Variants in NYAP2 observed in about 807,000 individuals in gnomAD.
The protein encoded by NYAP2 is neuronal tyrosine-phosphorylated phosphoinositide-3-kinase adapter 2.
NYAP2 carries 23 observed loss-of-function variants against 50.4 expected under a neutral mutation model. That is an observed-to-expected ratio of 0.46 (90% CI 0.33 to 0.65). The LOEUF (loss-of-function observed/expected upper bound fraction) is 0.65. Ranked by LOEUF, NYAP2 falls within the 30% of genes least tolerant of loss-of-function variation. NYAP2 has a pLI of 0.02. For missense variants in NYAP2, 885 were observed against 861.0 expected (o/e 1.03, Z -0.35); for synonymous variants, 394 against 365.2 (o/e 1.08, Z -0.90).
chr2:225,644,887 C>G (rs1693601189), intron 6 of NYAP2, among the ~76,000 whole-genome samples: 1 of 152,084 alleles, frequency 6.6e-6, no homozygotes, highest in Non-Finnish European at 1.5e-5. Context: ...ATGCCTCCAG[C>G]TTTGTTCTTT....
intron 6 of NYAP2, among the ~76,000 whole-genome samples, chr2:225,645,491 TTCTC>T (rs376306702): frequency 1.3e-5 from 2 of 151,776 alleles, no homozygotes; most frequent in Non-Finnish European, 2.9e-5. Flanking sequence ...TCCACTGCCT[TTCTC>T]TCTCTCTCTT....
intron 5 of NYAP2, among the ~76,000 whole-genome samples, chr2:225,606,365 CCAA>C (rs1574705783): frequency 6.6e-6 from 1 of 152,232 alleles, no homozygotes; most frequent in East Asian, 1.9e-4. Flanking sequence ...TTTATTTTCT[CCAA>C]CAACATCTAG....
intron 5 of NYAP2, among the ~76,000 whole-genome samples, chr2:225,620,838 A>G (rs1312837043): frequency 2.6e-5 from 4 of 152,174 alleles, no homozygotes; most frequent in Non-Finnish European, 4.4e-5. Flanking sequence ...GAAGAGGGCC[A>G]GGCGCGGTGG....
In NYAP2 at chr2:225,582,604, A is replaced by G. The variant is rs1469379188; in HGVS notation, c.1187A>G (p.Glu396Gly). 1.3e-6 allele frequency: 2 copies of G among 1,595,024 alleles called. No individual in the cohort carries two copies. Among genetic ancestry groups the G allele is most frequent in the East Asian group, 2.3e-5 (1 of 43,598 alleles). The change falls in exon 5 of 7, where the codon GAG becomes GGG. Residue 396 changes from glutamate (E) to glycine (G), a missense_variant. Glu to Gly is a moderately conservative substitution (Grantham distance 98). Transcript: ENST00000636099. This position sits in a 1 kb window ranked among gnomAD's most constrained non-coding sequence, Gnocchi z 7.0. The stretch of plus-strand genomic sequence containing the variant: ...CCCGGCCATGCGAAACTGGAGAAAG[A>G]GCAGGCCGCGGCCCTGGGACCTGCC...
At chr2:225,568,078 A>T (rs990002635) in intron 4 of NYAP2, among the ~76,000 whole-genome samples, 2 of 152,136 alleles carry the variant, frequency 1.3e-5, no homozygotes, top group African/African-American at 4.8e-5. Context: ...TTATAACTAC[A>T]CAGGAGGTTT....
exon 7 of NYAP2, chr2:225,653,707 A>G (rs998749170): frequency 1.3e-5 from 2 of 152,334 alleles, no homozygotes; most frequent in Non-Finnish European, 1.5e-5. Flanking sequence ...CCTCTGACTT[A>G]GCATTCAACT....
chr2:225,669,684 CA>C, the NYAP2 span, among the ~76,000 whole-genome samples: 1 of 151,830 alleles, frequency 6.6e-6, no homozygotes, highest in Admixed American at 6.6e-5. Flanking sequence ...AAGTGAATAA[CA>C]AAAAAATCAA....
At chr2:225,523,897 A>G (rs575044851) in intron 4 of NYAP2, among the ~76,000 whole-genome samples, 9 of 152,306 alleles carry the variant, frequency 5.9e-5, no homozygotes, top group African/African-American at 1.9e-4. Context: ...CCCAGAAATA[A>G]AGCCACCTAC....
chr2:225,566,184 C>T (rs1691958739), intron 4 of NYAP2, among the ~76,000 whole-genome samples: 1 of 151,998 alleles, frequency 6.6e-6, no homozygotes. Flanking sequence ...TAAATAGTGG[C>T]TATTATTATG....
At chr2:225,451,323 A>G (rs1379219047) in intron 3 of NYAP2, among the ~76,000 whole-genome samples, 2 of 152,216 alleles carry the variant, frequency 1.3e-5, no homozygotes, top group South Asian at 2.1e-4. Flanking sequence ...TAAGAATTTT[A>G]AATGTACTTG....
At chr2:225,617,613 T>A (rs1005984761) in intron 5 of NYAP2, among the ~76,000 whole-genome samples, 1 of 152,356 alleles carries the variant, frequency 6.6e-6, no homozygotes, top group African/African-American at 2.4e-5. Context: ...ATGATGTGAC[T>A]GTTCATATTT....
chr2:225,538,559 C>G (rs1381064174), intron 4 of NYAP2, among the ~76,000 whole-genome samples: 1 of 152,190 alleles, frequency 6.6e-6, no homozygotes, highest in African/African-American at 2.4e-5. Flanking sequence ...GCACACAGCA[C>G]AGGGACCCTG....
chr2:225,675,051 A>T, the NYAP2 span, among the ~76,000 whole-genome samples: 48 of 152,134 alleles, frequency 3.2e-4, 1 homozygote, highest in Admixed American at 2.2e-3. Flanking sequence ...TTAACTAGAA[A>T]TTTTTTTACA....
At position 225,613,812 on chromosome 2, in the gene NYAP2, A is replaced by G. The variant is rs1444512428; in HGVS notation, c.1619-13105A>G. ...ACTGTCTTCATTTATTATATAGTCC[A>G]CTGTGATTTGATTGGGGGAAGGTAG... On this transcript the variant is annotated intron_variant, in intron 5 of 6. Transcript: ENST00000636099. Among the ~76,000 whole-genome samples, 5 of 152,146 alleles carry G rather than the reference A, an allele frequency of 3.3e-5. No individual in the cohort carries two copies. In the East Asian group the frequency reaches 9.6e-4, roughly 29 times the overall value.
At chr2:225,513,388 G>A in exon 4 of NYAP2, 2 of 1,613,948 alleles carry the variant, frequency 1.2e-6, no homozygotes, top group Non-Finnish European at 1.7e-6. Context: ...GGAGAAGTAG[G>A]GCGAGGCCAC....
chr2:225,582,903 G>C lies in NYAP2; in HGVS notation c.1486G>C (p.Gly496Arg), dbSNP rs907521109. 5.6e-6 allele frequency: 9 copies of C among 1,613,356 alleles called. No homozygotes were observed. Among genetic ancestry groups the C allele is most frequent in the Middle Eastern group, 1.6e-4 (1 of 6,062 alleles). ...GGTCAACGCCGCGGTGAACACCTAC[G>C]GGGCAGCCCCGGGTGGCTCCCGGTC... Residue 496 changes from glycine to arginine, a missense_variant, in exon 5 of 7, where the codon GGG becomes CGG. Gly to Arg is a moderately radical substitution (Grantham distance 125, BLOSUM62 -2). Transcript: ENST00000636099. The surrounding 1 kb of genome is among the most constrained non-coding windows in gnomAD (Gnocchi z 7.0).
At chr2:225,455,021 C>T (rs1379752271) in intron 3 of NYAP2, among the ~76,000 whole-genome samples, 1 of 152,052 alleles carries the variant, frequency 6.6e-6, no homozygotes, top group Admixed American at 6.6e-5. Flanking sequence ...GAGCAAACTT[C>T]ACTGGCAACT....
chr2:225,613,758 AAAC>A (rs1220184068), intron 5 of NYAP2, among the ~76,000 whole-genome samples: 3 of 152,282 alleles, frequency 2.0e-5, no homozygotes, highest in Non-Finnish European at 1.5e-5. Flanking sequence ...AAAACATTAA[AAAC>A]AAATCATTAA....
At position 225,519,879 on chromosome 2, in the gene NYAP2, C is replaced by G. The variant is rs566727165; in HGVS notation, c.523+6207C>G. Among the ~76,000 whole-genome samples the G allele has an allele frequency of 9.0e-3, 1,371 of 152,220 alleles. 23 individuals are homozygous for G. Among genetic ancestry groups the G allele is most frequent in the African/African-American group, 0.031 (1,303 of 41,534 alleles). On this transcript the variant is annotated intron_variant, in intron 4 of 6. Transcript: ENST00000636099. ...TCCACAAGGGTTGAACTAGTTTACA[C>G]TCCCACCAACAGTGTAAAAGTGTTC...
Sources: allele counts gnomAD v4.1 joint callset (sites outside exome capture counted in the v4.1 genomes callset), GRCh38; gene constraint gnomAD v4.1.1; non-coding constraint Gnocchi (gnomAD v3.1); transcripts MANE v1.5; gene names NCBI Gene and HGNC (gene_info 2026-07-23, HGNC 2026-07-21).